The following SEC14L5 variants were observed in gnomAD, a reference collection of about 807,000 sequenced individuals.
SEC14L5 encodes SEC14-like protein 5.
SEC14L5 carries 96 observed loss-of-function variants against 84.6 expected under a neutral mutation model. That is an observed-to-expected ratio of 1.13 (90% CI 0.96 to 1.34). The LOEUF (loss-of-function observed/expected upper bound fraction) is 1.34. Among genes scored for constraint, SEC14L5 ranks in the 40% most tolerant of loss-of-function variants. SEC14L5 has a pLI of 0.00. For missense variants in SEC14L5, 1,224 were observed against 942.5 expected, an observed-to-expected ratio of 1.30 and a Z score of -3.91; for synonymous variants, 546 against 383.4, an observed-to-expected ratio of 1.42 and a Z score of -4.95.
chr16:4,997,508 C>T (rs1221623524), intron 8 of SEC14L5, among the ~76,000 whole-genome samples: 1 of 152,188 alleles, frequency 6.6e-6, no homozygotes, highest in Non-Finnish European at 1.5e-5. Context: ...TAGGAAGAAC[C>T]AGAGCTGGAA....
At chr16:5,012,733 C>T (rs1406420398) in intron 15 of SEC14L5, among the ~76,000 whole-genome samples, 2 of 151,558 alleles carry the variant, frequency 1.3e-5, no homozygotes, top group Non-Finnish European at 2.9e-5. Context: ...GGCGAAACCC[C>T]GTCTTTACTA....
intron 2 of SEC14L5, among the ~76,000 whole-genome samples, chr16:4,981,578 G>A (rs766128574): frequency 1.3e-5 from 2 of 152,090 alleles, no homozygotes; most frequent in Non-Finnish European, 2.9e-5. Flanking sequence ...AGATGTGACC[G>A]CTTGGCCCGG....
chr16:5,016,917 G>A lies in SEC14L5; in HGVS notation c.*1947G>A, dbSNP rs1479926423. The A allele has an allele frequency of 6.6e-6, 1 of 152,216 alleles. No homozygotes were observed. The highest frequency in any genetic ancestry group is 1.9e-4 in the East Asian group (1 of 5,194). 9.4% of individuals were successfully genotyped at this position (152,216 alleles called of 1,614,324 possible). A position where few individuals can be genotyped will look rare whatever the true frequency, so the allele number is the denominator to read the frequency against. ...CGTCAAGGTGTGTGTGCACATGTGT[G>A]CATAAGAGACCGACTGATTGGAAGG... On this transcript the variant is annotated 3_prime_UTR_variant, in exon 16 of 16. Coordinates refer to ENST00000251170, the MANE Select transcript of SEC14L5 (RefSeq NM_014692.2).
chr16:5,008,290 C>T (rs1195591723), intron 13 of SEC14L5, 131 bp from the exon 14 acceptor site: 16 of 674,134 alleles, frequency 2.4e-5, no homozygotes, highest in Non-Finnish European at 3.9e-5. Context: ...GAGGGCACTC[C>T]TGTAAGGAAT....
At chr16:4,973,225 G>A (rs4786571) in intron 2 of SEC14L5, among the ~76,000 whole-genome samples, 1 of 152,062 alleles carries the variant, frequency 6.6e-6, no homozygotes, top group Non-Finnish European at 1.5e-5. Context: ...TCCCCCACGC[G>A]CCGCCCTTGT....
chr16:4,994,664 CTGT>C (rs1051702269), intron 6 of SEC14L5, among the ~76,000 whole-genome samples: 12 of 151,580 alleles, frequency 7.9e-5, no homozygotes, highest in Non-Finnish European at 1.5e-4. Flanking sequence ...TGCTGGTTGG[CTGT>C]TGTTGTATGT....
chr16:5,003,314 A>C, intron 10 of SEC14L5, 88 bp from the exon 11 acceptor site: 1 of 1,011,984 alleles, frequency 9.9e-7, no homozygotes, highest in East Asian at 2.4e-5. Flanking sequence ...TATCTCTCGG[A>C]GCCTCCCTGT....
intron 12 of SEC14L5, 136 bp from the exon 13 acceptor site, chr16:5,007,216 C>G (rs1250443415): frequency 1.5e-6 from 1 of 659,496 alleles, no homozygotes; most frequent in Non-Finnish European, 2.6e-6. Flanking sequence ...TAAATGGGGT[C>G]ATGGAAGCCC....
intron 11 of SEC14L5, among the ~76,000 whole-genome samples, chr16:5,005,671 C>T (rs1348804200): frequency 1.3e-5 from 2 of 151,620 alleles, no homozygotes; most frequent in Non-Finnish European, 2.9e-5. Flanking sequence ...ACCATCCTGG[C>T]TAACATGGTG....
chr16:4,995,624 CTTTTTTTT>C (rs36027978), intron 6 of SEC14L5, among the ~76,000 whole-genome samples: 2 of 128,570 alleles, frequency 1.6e-5, no homozygotes, highest in African/African-American at 5.9e-5. Context: ...CTCTCTCTCT[CTTTTTTTT>C]TTTTTTTTTT....
intron 14 of SEC14L5, among the ~76,000 whole-genome samples, chr16:5,010,757 C>G (rs1955790139): frequency 6.6e-6 from 1 of 152,184 alleles, no homozygotes; most frequent in Non-Finnish European, 1.5e-5. Flanking sequence ...AATCCCTTTC[C>G]TAATCCCCTT....
In SEC14L5 at chr16:4,959,285, C is replaced by T; in HGVS notation, c.-39C>T. ...CTCCTCGCCCCAGGCTCTGTGCACA[C>T]CCCTGCCTGGTGACCTCCATTGGTG... On this transcript the variant is annotated 5_prime_UTR_variant, in exon 2 of 16. Transcript: ENST00000251170. 6.4e-7 allele frequency: 1 copy of T among 1,552,042 alleles called. No homozygotes were observed. Among genetic ancestry groups the T allele is most frequent in the South Asian group, 1.1e-5 (1 of 89,844 alleles).
rs369577206 is a variant in SEC14L5, at chr16:4,990,734, G to C, written c.346-33G>C. 63 of 1,581,582 alleles carry C rather than the reference G, an allele frequency of 4.0e-5. 2 individuals are homozygous for C. The South Asian group carries it at 6.6e-4, about 17-fold the overall frequency. On this transcript the variant is annotated intron_variant, in intron 4 of 15. Coordinates refer to ENST00000251170, the MANE Select transcript of SEC14L5 (RefSeq NM_014692.2). ...GGGAGGGCAGGGTGCCCCCGACATT[G>C]AGTCCCTGGCATGACCCCTGCCTGG...
At chr16:5,008,691 T>C (rs1568151806) in intron 14 of SEC14L5, 43 bp downstream of exon 14, 13 of 1,530,504 alleles carry the variant, frequency 8.5e-6, no homozygotes, top group Non-Finnish European at 1.2e-5. Flanking sequence ...CAAGCAGCAC[T>C]GAGTGTCCAC....
At chr16:4,995,270 C>T (rs1955596857) in intron 6 of SEC14L5, among the ~76,000 whole-genome samples, 1 of 152,252 alleles carries the variant, frequency 6.6e-6, no homozygotes, top group African/African-American at 2.4e-5. Context: ...TGCACGCCAG[C>T]ATCTGCCACC....
chr16:4,973,683 T>C (rs1277147489), intron 2 of SEC14L5, among the ~76,000 whole-genome samples: 2 of 93,202 alleles, frequency 2.1e-5, no homozygotes, highest in South Asian at 3.3e-4. Flanking sequence ...TCTGTCTCTT[T>C]TTTTTTTTTT....
At chr16:4,985,699 C>T (rs1030913287) in intron 2 of SEC14L5, among the ~76,000 whole-genome samples, 3 of 151,718 alleles carry the variant, frequency 2.0e-5, no homozygotes, top group African/African-American at 7.3e-5. Flanking sequence ...GTATGTCTCC[C>T]CTTATGCCAG....
intron 2 of SEC14L5, among the ~76,000 whole-genome samples, chr16:4,982,732 A>G (rs1217291305): frequency 2.0e-5 from 3 of 152,152 alleles, no homozygotes; most frequent in Non-Finnish European, 4.4e-5. Context: ...TCCAGCACCC[A>G]CAGCAGTTTG....
chr16:5,004,145 C>T (rs552885534), intron 11 of SEC14L5, among the ~76,000 whole-genome samples: 176 of 152,190 alleles, frequency 1.2e-3, no homozygotes, highest in African/African-American at 2.2e-3. Context: ...GCAAAAGGGA[C>T]GACAGCACCT....
Sources: gnomAD v4.1 joint callset for allele counts (sites outside exome capture counted in the v4.1 genomes callset) on GRCh38, gnomAD v4.1.1 for gene constraint, MANE v1.5 for transcripts, NCBI Gene and HGNC (gene_info 2026-07-23, HGNC 2026-07-21) for gene names.